NRXN3: variants seen among roughly 807,000 people sequenced by gnomAD.
NRXN3 encodes the protein neurexin 3.
Under a neutral mutation model 137.6 loss-of-function variants are expected in NRXN3, and 32 were observed. The observed-to-expected ratio is 0.23, with a 90% CI of 0.18 to 0.31. The LOEUF (loss-of-function observed/expected upper bound fraction) is 0.31. Ranked by LOEUF, NRXN3 falls within the 10% of genes least tolerant of loss-of-function variation. The pLI is 1.00. For synonymous variants in NRXN3, 798 were observed against 784.5 expected, an observed-to-expected ratio of 1.02 and a Z score of -0.29; for missense variants, 1,574 against 2,062.5, an observed-to-expected ratio of 0.76 and a Z score of 4.59.
At chr14:79,286,131 A>G (rs960482008) in intron 15 of NRXN3, among the ~76,000 whole-genome samples, 3 of 152,132 alleles carry the variant, frequency 2.0e-5, no homozygotes, top group Non-Finnish European at 2.9e-5. Context: ...TTATTTGCAC[A>G]TAGACTAATT....
At chr14:78,395,347 T>TTTG (rs767595257) in intron 4 of NRXN3, among the ~76,000 whole-genome samples, 1 of 151,944 alleles carries the variant, frequency 6.6e-6, no homozygotes, top group African/African-American at 2.4e-5. Context: ...TTTACTTGTT[T>TTTG]TTGTTGTTGT....
At chr14:79,344,138 G>C (rs74069738) in intron 15 of NRXN3, among the ~76,000 whole-genome samples, 1,993 of 152,216 alleles carry the variant, frequency 0.013, 56 homozygotes, top group African/African-American at 0.045. Context: ...CAAGAGGAAT[G>C]TATTATTATC....
chr14:79,682,164 C>G (rs2098673876), intron 17 of NRXN3, among the ~76,000 whole-genome samples: 1 of 152,086 alleles, frequency 6.6e-6, no homozygotes, highest in African/African-American at 2.4e-5. Flanking sequence ...GGTATGTTCT[C>G]CCTTTCCTCT....
chr14:78,828,420 T>C (rs538958597), intron 10 of NRXN3, among the ~76,000 whole-genome samples: 12 of 152,196 alleles, frequency 7.9e-5, no homozygotes, highest in Non-Finnish European at 1.6e-4. Flanking sequence ...TTGGCTAACT[T>C]TTTCTGTAGA....
chr14:79,527,127 C>G (rs1400732661), intron 16 of NRXN3, among the ~76,000 whole-genome samples: 1 of 151,742 alleles, frequency 6.6e-6, no homozygotes, highest in East Asian at 1.9e-4. Context: ...AACCCCGTCT[C>G]TACTAAAAAT....
At chr14:78,244,789 C>T (rs2067445326) in intron 2 of NRXN3, among the ~76,000 whole-genome samples, 1 of 152,208 alleles carries the variant, frequency 6.6e-6, no homozygotes, top group African/African-American at 2.4e-5. Context: ...CAGAGATTGA[C>T]TGCAGTGTTG....
chr14:79,600,103 A>G (rs1240603569), intron 16 of NRXN3, among the ~76,000 whole-genome samples: 2 of 152,222 alleles, frequency 1.3e-5, no homozygotes, highest in Non-Finnish European at 2.9e-5. Context: ...AAAGGGCTTG[A>G]GCAAATACAT....
intron 15 of NRXN3, among the ~76,000 whole-genome samples, chr14:79,146,717 A>G (rs1484291221): frequency 6.6e-6 from 1 of 152,296 alleles, no homozygotes; most frequent in Non-Finnish European, 1.5e-5. Flanking sequence ...AATTTAGGAC[A>G]GCAAAGCAGA....
intron 15 of NRXN3, among the ~76,000 whole-genome samples, chr14:79,213,644 C>A (rs1401580421): frequency 6.6e-6 from 1 of 150,756 alleles, no homozygotes; most frequent in Non-Finnish European, 1.5e-5. Flanking sequence ...GTGGCGGGAA[C>A]AAAACAATAA....
At chr14:78,444,472 G>A (rs2094354600) in intron 4 of NRXN3, among the ~76,000 whole-genome samples, 1 of 152,168 alleles carries the variant, frequency 6.6e-6, no homozygotes, top group African/African-American at 2.4e-5. Flanking sequence ...AGTTGTCAAA[G>A]AACAGAATCT....
chr14:79,643,630 T>C lies in NRXN3; in HGVS notation c.3445-20148T>C, dbSNP rs1361586715. ...TCCAGTAAAATTCATTTCTCTCTAATGTATACTATATTCCATCCAAACTAA... is the reference window on the plus strand; with the variant it reads ...TCCAGTAAAATTCATTTCTCTCTAACGTATACTATATTCCATCCAAACTAA... On this transcript the variant is annotated intron_variant, in intron 16 of 20. Transcript: ENST00000335750. 1.5e-5 allele frequency among the ~76,000 whole-genome samples: 2 copies of C among 135,538 alleles called. 1 individual carries two copies. The highest frequency in any genetic ancestry group is 3.4e-5 in the Non-Finnish European group (2 of 58,306). The allele number at this position is 135,538 out of a possible 152,430, so 88.9% of individuals were successfully genotyped here.
intron 4 of NRXN3, among the ~76,000 whole-genome samples, chr14:78,556,442 C>A (rs1372129557): frequency 6.6e-6 from 1 of 152,178 alleles, no homozygotes; most frequent in Non-Finnish European, 1.5e-5. Context: ...TGAGAGTAGA[C>A]CTCCCTGGAG....
At chr14:78,363,795 C>T (rs1422895567) in intron 4 of NRXN3, among the ~76,000 whole-genome samples, 1 of 152,188 alleles carries the variant, frequency 6.6e-6, no homozygotes. Context: ...TAGGGCTTCT[C>T]TTATCCTGTG....
At chr14:78,519,165 G>C (rs1001428729) in intron 4 of NRXN3, among the ~76,000 whole-genome samples, 2 of 152,120 alleles carry the variant, frequency 1.3e-5, no homozygotes, top group Admixed American at 1.3e-4. Flanking sequence ...CAAGAAAGTT[G>C]AGACTTATGG....
intron 15 of NRXN3, among the ~76,000 whole-genome samples, chr14:79,019,793 C>T (rs573869706): frequency 1.3e-5 from 2 of 152,128 alleles, no homozygotes; most frequent in East Asian, 3.9e-4. Flanking sequence ...GAGAGCAAGA[C>T]CAATGACAGT....
intron 4 of NRXN3, among the ~76,000 whole-genome samples, chr14:78,504,230 C>T (rs968698311): frequency 6.6e-6 from 1 of 152,100 alleles, no homozygotes; most frequent in African/African-American, 2.4e-5. Context: ...GGTCATTGCT[C>T]CTGCTGTAAT....
chr14:78,403,339 C>A (rs911366507), intron 4 of NRXN3, among the ~76,000 whole-genome samples: 1 of 152,198 alleles, frequency 6.6e-6, no homozygotes, highest in Non-Finnish European at 1.5e-5. Flanking sequence ...GCATTCTGAT[C>A]AAAGTAGTTA....
At chr14:78,247,968 G>A (rs1234941072) in intron 2 of NRXN3, among the ~76,000 whole-genome samples, 1 of 152,146 alleles carries the variant, frequency 6.6e-6, no homozygotes, top group African/African-American at 2.4e-5. Flanking sequence ...GGTGGAGCCA[G>A]GGAACAATGG....
At chr14:78,903,311 G>T (rs1362986064) in intron 10 of NRXN3, among the ~76,000 whole-genome samples, 1 of 151,686 alleles carries the variant, frequency 6.6e-6, no homozygotes, top group Admixed American at 6.6e-5. Context: ...ACCACAGCTG[G>T]TTATTTTCTT....
Sources: allele counts gnomAD v4.1 joint callset (sites outside exome capture counted in the v4.1 genomes callset), GRCh38; gene constraint gnomAD v4.1.1; transcripts MANE v1.5; gene names NCBI Gene and HGNC (gene_info 2026-07-23, HGNC 2026-07-21).